The following PIGK variants were observed in gnomAD, a reference collection of about 807,000 sequenced individuals.
The protein encoded by PIGK is GPI-anchor transamidase.
A neutral mutation model predicts 50.6 loss-of-function variants in PIGK; 42 were observed. That is an observed-to-expected ratio of 0.83 (90% CI 0.65 to 1.07). PIGK has a LOEUF of 1.07. Among genes scored for constraint, PIGK ranks in the 50% least tolerant of loss-of-function variants. The probability of loss-of-function intolerance (pLI) is 0.00; values close to 1 mark genes in which losing one functional copy is unlikely to be tolerated. For synonymous variants in PIGK, 151 were observed against 156.0 expected (o/e 0.97, Z 0.24); for missense variants, 448 against 488.7 (o/e 0.92, Z 0.78).
intron 9 of PIGK, among the ~76,000 whole-genome samples, chr1:77,130,785 G>GTTAA (rs1421724537): frequency 6.6e-6 from 1 of 152,056 alleles, no homozygotes; most frequent in Non-Finnish European, 1.5e-5. Context: ...TGTAGTAATA[G>GTTAA]TTAAGAGAGC....
chr1:77,110,944 A>G (rs2100519246), intron 10 of PIGK, among the ~76,000 whole-genome samples: 1 of 152,360 alleles, frequency 6.6e-6, no homozygotes, highest in East Asian at 1.9e-4. Context: ...CAAGTGGGCA[A>G]AGGATATGAA....
At chr1:77,151,933 T>C (rs2100549712) in intron 9 of PIGK, among the ~76,000 whole-genome samples, 1 of 152,252 alleles carries the variant, frequency 6.6e-6, no homozygotes, top group South Asian at 2.1e-4. Flanking sequence ...GTATATTTAT[T>C]GATCTATACA....
At chr1:77,207,883 A>C (rs2100586883) in intron 2 of PIGK, among the ~76,000 whole-genome samples, 1 of 152,266 alleles carries the variant, frequency 6.6e-6, no homozygotes, top group East Asian at 1.9e-4. Flanking sequence ...GAAAAGACTA[A>C]ATTTTTGACT....
At chr1:77,094,244 C>T (rs542904687) in intron 10 of PIGK, among the ~76,000 whole-genome samples, 1 of 152,152 alleles carries the variant, frequency 6.6e-6, no homozygotes, top group Non-Finnish European at 1.5e-5. Flanking sequence ...AGTTTAAAAG[C>T]ACTGACCTAG....
At chr1:77,116,599 CGTGTGT>C (rs751803515) in intron 10 of PIGK, among the ~76,000 whole-genome samples, 1 of 95,552 alleles carries the variant, frequency 1.0e-5, no homozygotes, top group African/African-American at 6.1e-5. Flanking sequence ...TGTGTGTGCG[CGTGTGT>C]GTGTGTGTGT....
chr1:77,159,838 G>A (rs565145005), intron 8 of PIGK, among the ~76,000 whole-genome samples: 1 of 152,270 alleles, frequency 6.6e-6, no homozygotes, highest in Admixed American at 6.5e-5. Flanking sequence ...CAGGCAGAAG[G>A]GACTTGTCTT....
chr1:77,186,215 T>G (rs186822475), intron 3 of PIGK, among the ~76,000 whole-genome samples: 1 of 152,154 alleles, frequency 6.6e-6, no homozygotes, highest in Non-Finnish European at 1.5e-5. Context: ...GATCAGCTGA[T>G]GGAGGAAGAG....
At chr1:77,098,798 A>T (rs1263602141) in intron 10 of PIGK, among the ~76,000 whole-genome samples, 1 of 152,168 alleles carries the variant, frequency 6.6e-6, no homozygotes, top group East Asian at 1.9e-4. Flanking sequence ...TATATCAATA[A>T]ATGGAACAGG....
At chr1:77,106,601 T>G (rs1274324394) in intron 10 of PIGK, among the ~76,000 whole-genome samples, 1 of 152,162 alleles carries the variant, frequency 6.6e-6, no homozygotes, top group Non-Finnish European at 1.5e-5. Flanking sequence ...TATAATGATC[T>G]TTCCCATGGA....
At chr1:77,171,312 C>A (rs1468217671) in intron 3 of PIGK, among the ~76,000 whole-genome samples, 3 of 151,440 alleles carry the variant, frequency 2.0e-5, no homozygotes, top group African/African-American at 7.3e-5. Context: ...TGGCAGGCGC[C>A]TGTAGTCCCA....
chr1:77,181,023 C>T (rs1432485543), intron 3 of PIGK, among the ~76,000 whole-genome samples: 1 of 152,040 alleles, frequency 6.6e-6, no homozygotes, highest in Non-Finnish European at 1.5e-5. Context: ...TTTTTGGTTA[C>T]TTCATCTAAA....
At chr1:77,138,146 A>G (rs1654564727) in intron 9 of PIGK, among the ~76,000 whole-genome samples, 1 of 152,204 alleles carries the variant, frequency 6.6e-6, no homozygotes, top group Admixed American at 6.5e-5. Flanking sequence ...GTTATGTTAT[A>G]TGACAAAAGT....
chr1:77,118,773 TAAACCATATA>T (rs2100526051), intron 10 of PIGK, among the ~76,000 whole-genome samples: 2 of 152,344 alleles, frequency 1.3e-5, no homozygotes, highest in African/African-American at 4.8e-5. Flanking sequence ...ATCATTTATA[TAAACCATATA>T]CGTATTAGGG....
intron 10 of PIGK, among the ~76,000 whole-genome samples, chr1:77,099,602 T>G (rs1012455510): frequency 2.6e-5 from 4 of 152,190 alleles, no homozygotes; most frequent in Non-Finnish European, 5.9e-5. Flanking sequence ...ATGTGTTTAA[T>G]GATATCGCTG....
chr1:77,102,044 AT>A (rs1454348109), intron 10 of PIGK, among the ~76,000 whole-genome samples: 4 of 152,224 alleles, frequency 2.6e-5, no homozygotes, highest in African/African-American at 9.6e-5. Flanking sequence ...AAAAGATAGA[AT>A]TCCAATGGAG....
At chr1:77,195,009 C>A in intron 3 of PIGK, 3 of 738,028 alleles carry the variant, frequency 4.1e-6, no homozygotes, top group Non-Finnish European at 7.1e-6. Flanking sequence ...CTCCAAACTC[C>A]ACCAAGCTCC....
At chr1:77,172,217 A>G (rs1387512319) in intron 3 of PIGK, among the ~76,000 whole-genome samples, 3 of 152,210 alleles carry the variant, frequency 2.0e-5, no homozygotes, top group South Asian at 4.1e-4. Context: ...TGAAAACCCA[A>G]TTTAGGAGTA....
chr1:77,203,028 G>A (rs1460771859), intron 3 of PIGK, among the ~76,000 whole-genome samples: 2 of 152,170 alleles, frequency 1.3e-5, no homozygotes, highest in African/African-American at 4.8e-5. Flanking sequence ...CACAATTCTA[G>A]TGTTAAAGAT....
intron 10 of PIGK, among the ~76,000 whole-genome samples, chr1:77,120,705 C>CT (rs1204740441): frequency 6.6e-6 from 1 of 152,084 alleles, no homozygotes; most frequent in African/African-American, 2.4e-5. Flanking sequence ...CCTGACTATT[C>CT]TTTAACTGAG....
Sources: allele counts gnomAD v4.1 joint callset (sites outside exome capture counted in the v4.1 genomes callset), GRCh38; gene constraint gnomAD v4.1.1; transcripts MANE v1.5; gene names NCBI Gene and HGNC (gene_info 2026-07-23, HGNC 2026-07-21).